Variants in CA8 observed in about 807,000 individuals in gnomAD.
CA8 encodes the protein carbonic anhydrase-related protein.
CA8 carries 22 observed loss-of-function variants against 41.4 expected under a neutral mutation model. That is an observed-to-expected ratio of 0.53 (90% confidence interval 0.38 to 0.76). The LOEUF (loss-of-function observed/expected upper bound fraction) is 0.76. Among genes scored for constraint, CA8 ranks in the 30% least tolerant of loss-of-function variants. The pLI, the probability that CA8 is intolerant of heterozygous loss-of-function variation, is 0.00. For synonymous variants in CA8, 121 were observed against 130.6 expected, an observed-to-expected ratio of 0.93 and a Z score of 0.50; for missense variants, 270 against 352.8, an observed-to-expected ratio of 0.77 and a Z score of 1.88.
At chr8:60,231,630 C>T (rs902263300) in intron 4 of CA8, among the ~76,000 whole-genome samples, 3 of 152,168 alleles carry the variant, frequency 2.0e-5, no homozygotes, top group Non-Finnish European at 2.9e-5. Flanking sequence ...ACTCTTTCAC[C>T]TCTAAATCTT....
At chr8:60,247,210 A>G (rs1051363832) in intron 3 of CA8, among the ~76,000 whole-genome samples, 1 of 152,050 alleles carries the variant, frequency 6.6e-6, no homozygotes, top group Non-Finnish European at 1.5e-5. Context: ...TGACCACTTC[A>G]TGGCATATTT....
Position 60,279,846 on chromosome 8 carries a change from A to C in CA8, c.135T>G (p.Asn45Lys). The C allele has an allele frequency of 6.2e-7, 1 of 1,613,796 alleles. No homozygotes were observed. Among genetic ancestry groups the C allele is most frequent in the Non-Finnish European group, 8.5e-7 (1 of 1,179,866 alleles). The change falls in exon 2 of 9, where the codon AAT becomes AAG. Residue 45 changes from asparagine (N) to lysine (K), a missense_variant. This residue lies in a region of CA8 where 123 missense variants were observed against 136.8 expected (regional missense o/e 0.90). Transcript: ENST00000317995. ...GGTTAATAGGAGACTGGTATTCCCC[A>C]TTAGCATCAGGAAACACCAGACCCC... Reference protein sequence around the residue: ...VEWGLVFPDANGEYQSPINLN... With the variant: ...VEWGLVFPDAKGEYQSPINLN...
rs11424117 is a variant in CA8, at chr8:60,262,335, C to CAAA, written c.417+3587_417+3589dup. 5.0e-3 allele frequency among the ~76,000 whole-genome samples: 544 copies of CAAA among 109,286 alleles called. 5 individuals carry two copies. The highest frequency in any genetic ancestry group is 0.016 in the African/African-American group (514 of 31,744). The allele number at this position is 109,286 out of a possible 152,430, so 71.7% of individuals were successfully genotyped here. On this transcript the variant is annotated intron_variant, in intron 3 of 8. Coordinates refer to ENST00000317995, the MANE Select transcript of CA8 (RefSeq NM_004056.6). ...GTGTACTAGTGTGTTAGCAAAATGG[C>CAAA]AAAAAAAAAAAAAAAAAAATCATAT...
chr8:60,229,113 C>T (rs1346159777), intron 4 of CA8, among the ~76,000 whole-genome samples: 1 of 152,086 alleles, frequency 6.6e-6, no homozygotes, highest in Non-Finnish European at 1.5e-5. Context: ...AAATGCAAAC[C>T]ACTTTGGTCC....
intron 8 of CA8, among the ~76,000 whole-genome samples, chr8:60,190,219 G>A (rs562228456): frequency 5.3e-5 from 8 of 151,398 alleles, no homozygotes; most frequent in Non-Finnish European, 7.4e-5. Flanking sequence ...TTTCACAGAA[G>A]CAAATACTTT....
chr8:60,200,936 T>C (rs924256529), intron 8 of CA8, among the ~76,000 whole-genome samples: 2 of 152,178 alleles, frequency 1.3e-5, no homozygotes, highest in Admixed American at 1.3e-4. Flanking sequence ...AATCTTGCCA[T>C]AACAATCCTA....
Position 60,247,905 on chromosome 8 carries a change from C to T in CA8, c.418-15526G>A, listed in dbSNP as rs114574651. 3.3e-3 allele frequency among the ~76,000 whole-genome samples: 502 copies of T among 152,300 alleles called. 4 individuals carry two copies. The highest frequency in any genetic ancestry group is 0.011 in the African/African-American group (473 of 41,568). On this transcript the variant is annotated intron_variant, in intron 3 of 8. Transcript: ENST00000317995. ...AAGCATTCTTGTTTCTCCACAGCCTCGCCAACATCTACTGTTTCTTGACTT... is the reference window on the plus strand; with the variant it reads ...AAGCATTCTTGTTTCTCCACAGCCTTGCCAACATCTACTGTTTCTTGACTT...
chr8:60,242,140 A>G (rs1808050400), intron 3 of CA8, among the ~76,000 whole-genome samples: 1 of 152,252 alleles, frequency 6.6e-6, no homozygotes, highest in Non-Finnish European at 1.5e-5. Flanking sequence ...TTTATAGCCC[A>G]ATAGAAGAAA....
chr8:60,205,178 G>A (rs926835095), intron 8 of CA8, among the ~76,000 whole-genome samples: 1 of 152,016 alleles, frequency 6.6e-6, no homozygotes. Flanking sequence ...AACGTATTTA[G>A]GGCATTCTTA....
chr8:60,238,266 T>G (rs1807901465), intron 3 of CA8, among the ~76,000 whole-genome samples: 1 of 152,210 alleles, frequency 6.6e-6, no homozygotes, highest in African/African-American at 2.4e-5. Flanking sequence ...AAATGAGGTT[T>G]ATTACTAACA....
At chr8:60,206,757 CAG>C (rs1405810118) in intron 8 of CA8, among the ~76,000 whole-genome samples, 3 of 152,098 alleles carry the variant, frequency 2.0e-5, no homozygotes, top group Admixed American at 1.3e-4. Flanking sequence ...CATTGCAGCA[CAG>C]AGAGTGCCCA....
In CA8 at chr8:60,255,900, C is replaced by A. The variant is rs373967789; in HGVS notation, c.417+10025G>T. ...TCAGTGCAAGGTGCTTCCAACATTA[C>A]GCTATTAATTTTTTTTTTTTTTTTT... On this transcript the variant is annotated intron_variant, in intron 3 of 8. Transcript: ENST00000317995. Among the ~76,000 whole-genome samples, 8 of 146,804 alleles carry A rather than the reference C, an allele frequency of 5.4e-5. No homozygotes were observed. In the East Asian group the frequency reaches 1.4e-3, roughly 25 times the overall value.
At chr8:60,214,717 C>A (rs183986194) in intron 7 of CA8, among the ~76,000 whole-genome samples, 3 of 152,254 alleles carry the variant, frequency 2.0e-5, no homozygotes, top group African/African-American at 7.2e-5. Flanking sequence ...CTAACTCGGG[C>A]TGTCAGGATG....
rs951443030 is a variant in CA8, at chr8:60,254,746, T to C, written c.417+11179A>G. 2.6e-5 allele frequency among the ~76,000 whole-genome samples: 4 copies of C among 152,216 alleles called. No homozygotes were observed. The South Asian group carries it at 6.2e-4, about 24-fold the overall frequency. On this transcript the variant is annotated intron_variant, in intron 3 of 8. Transcript: ENST00000317995. ...AAATGGTGATCAGCTCAGGCCAAGA[T>C]GGTAAATTGCACAAAAACCCACCCA...
chr8:60,230,344 A>C (rs1260021990), intron 4 of CA8, among the ~76,000 whole-genome samples: 1 of 151,952 alleles, frequency 6.6e-6, no homozygotes, highest in Non-Finnish European at 1.5e-5. Flanking sequence ...AGTATTTTTA[A>C]TCTCTATGTC....
chr8:60,253,068 C>A (rs1055792690), intron 3 of CA8, among the ~76,000 whole-genome samples: 1 of 151,392 alleles, frequency 6.6e-6, no homozygotes, highest in Non-Finnish European at 1.5e-5. Flanking sequence ...CGTCTCTACA[C>A]CAAAATAAAA....
intron 7 of CA8, among the ~76,000 whole-genome samples, chr8:60,217,692 TCC>T (rs1447328992): frequency 6.6e-6 from 1 of 152,158 alleles, no homozygotes; most frequent in Non-Finnish European, 1.5e-5. Flanking sequence ...CCTCCTTGAT[TCC>T]CTATCATGGT....
Position 60,278,800 on chromosome 8 carries a change from CA to C in CA8, c.292+888del, listed in dbSNP as rs1302182384. Among the ~76,000 whole-genome samples, 13 of 152,272 alleles carry C rather than the reference CA, an allele frequency of 8.5e-5. No individual in the cohort carries two copies. In the East Asian group the frequency reaches 2.1e-3, roughly 25 times the overall value. ...AATCAACAGCTGCCTTGATTAATAA[CA>C]AACCTAAAGATTTTATAGTTTGAGG... On this transcript the variant is annotated intron_variant, in intron 2 of 8. Coordinates refer to ENST00000317995, the MANE Select transcript of CA8 (RefSeq NM_004056.6).
intron 7 of CA8, among the ~76,000 whole-genome samples, chr8:60,218,533 A>G (rs946822402): frequency 1.3e-5 from 2 of 151,686 alleles, no homozygotes; most frequent in Non-Finnish European, 2.9e-5. Flanking sequence ...TGCCTATGAA[A>G]AGGATAAAAA....
Sources: gnomAD v4.1 joint callset for allele counts (sites outside exome capture counted in the v4.1 genomes callset) on GRCh38, gnomAD v4.1.1 for gene constraint, gnomAD v4.1.1 regional missense constraint, MANE v1.5 for transcripts, NCBI Gene and HGNC (gene_info 2026-07-23, HGNC 2026-07-21) for gene names.